The following TFB1M variants were observed in gnomAD, a reference collection of about 807,000 sequenced individuals.
TFB1M encodes dimethyladenosine transferase 1, mitochondrial.
In TFB1M, 27 loss-of-function variants were observed where a neutral mutation model predicts 31.1. That is an observed-to-expected ratio of 0.87 (90% CI 0.64 to 1.20). The LOEUF (loss-of-function observed/expected upper bound fraction) is 1.20, where lower values mean the gene tolerates loss of function less well. Among genes scored for constraint, TFB1M ranks in the 50% most tolerant of loss-of-function variants. The probability of loss-of-function intolerance (pLI) is 0.00; values close to 1 mark genes in which losing one functional copy is unlikely to be tolerated. For missense variants in TFB1M, 394 were observed against 418.7 expected (o/e 0.94, Z 0.51); for synonymous variants, 166 against 151.8 (o/e 1.09, Z -0.69).
the TFB1M span, among the ~76,000 whole-genome samples, chr6:155,234,396 G>C: frequency 1.2e-4 from 18 of 152,328 alleles, no homozygotes; most frequent in African/African-American, 4.3e-4. Flanking sequence ...AGCATCGTTA[G>C]TGGCTGGGAC....
Position 155,257,583 on chromosome 6 carries a change from TA to T in TFB1M, c.*252del. The T allele has an allele frequency of 2.5e-5, 1 of 40,250 alleles. No individual in the cohort carries two copies. The highest frequency in any genetic ancestry group is 3.6e-5 in the Non-Finnish European group (1 of 27,456). The allele number at this position is 40,250 out of a possible 1,614,324, so 2.5% of individuals were successfully genotyped here. A position where few individuals can be genotyped will look rare whatever the true frequency, so the allele number is the denominator to read the frequency against. On this transcript the variant is annotated 3_prime_UTR_variant, in exon 7 of 7. Transcript: ENST00000367166. ...GTGCAGATACTTCATTTTTGTAAGA[TA>T]GATTGTAATAGATGCTGTTTATACT...
At position 155,311,245 on chromosome 6, in the gene TFB1M, G is replaced by A. The variant is rs937011311; in HGVS notation, c.228C>T (p.Ala76=). The A allele has an allele frequency of 9.3e-6, 15 of 1,613,882 alleles. No individual in the cohort carries two copies. The highest frequency in any genetic ancestry group is 5.3e-5 in the African/African-American group (4 of 74,884). The change falls in exon 2 of 7, where the codon GCC becomes GCT. Residue 76 remains alanine (A), a synonymous_variant. Transcript: ENST00000367166. ...CAACCACCAGAAGTTCAGCGACGTC[G>A]GCATTAAGAATAGATCTTGTGATTC... ...PGGITRSILN[A]DVAELLVVEK...
the TFB1M span, among the ~76,000 whole-genome samples, chr6:155,242,467 T>C: frequency 5.9e-5 from 9 of 152,212 alleles, no homozygotes; most frequent in Non-Finnish European, 1.0e-4. Context: ...GCGTGGAATA[T>C]GGTGAGGGAA....
In TFB1M at chr6:155,281,838, T is replaced by G. The variant is rs1221452344; in HGVS notation, c.666+3320A>C. 2.7e-5 allele frequency among the ~76,000 whole-genome samples: 4 copies of G among 147,748 alleles called. No individual in the cohort carries two copies. In the East Asian group the frequency reaches 8.0e-4, roughly 29 times the overall value. On this transcript the variant is annotated intron_variant, in intron 5 of 6. Transcript: ENST00000367166. ...ATAATTCATAAAAAAAAAGACAGAA[T>G]TTTGAGGATCTAGCTAATAGCTCAG...
intron 5 of TFB1M, among the ~76,000 whole-genome samples, chr6:155,268,672 C>G (rs997363839): frequency 1.3e-5 from 2 of 152,068 alleles, no homozygotes; most frequent in Non-Finnish European, 2.9e-5. Flanking sequence ...CTCTCTGAAA[C>G]ATGTGCTGTG....
intron 5 of TFB1M, among the ~76,000 whole-genome samples, chr6:155,273,503 C>T (rs9397797): frequency 0.66 from 100,803 of 152,116 alleles, 34,118 homozygotes; most frequent in East Asian, 0.98. Context: ...ATCTCCTTGC[C>T]GAGTCATCTG....
intron 5 of TFB1M, chr6:155,275,707 T>G (rs1785158469): frequency 1.9e-6 from 3 of 1,605,614 alleles, no homozygotes; most frequent in South Asian, 1.1e-5. Flanking sequence ...AGGACAGACT[T>G]AACAGTAACA....
At chr6:155,266,592 A>G (rs1784642195) in intron 5 of TFB1M, among the ~76,000 whole-genome samples, 1 of 152,092 alleles carries the variant, frequency 6.6e-6, no homozygotes. Flanking sequence ...CACACCTGTA[A>G]TCCCAGCACT....
rs568477715 is a variant in TFB1M, at chr6:155,297,977, G to A, written c.394+500C>T. 1.2e-3 allele frequency among the ~76,000 whole-genome samples: 186 copies of A among 152,346 alleles called. 1 individual carries two copies. Among genetic ancestry groups the A allele is most frequent in the African/African-American group, 4.4e-3 (181 of 41,572 alleles). On this transcript the variant is annotated intron_variant, in intron 3 of 6. Transcript: ENST00000367166. Reference sequence around the variant, plus strand: ...AAGCCCTCCTCCGTTTGTTCTGAGAGTCTGTTATAGGAAGAAACATACCCT... The same window carrying A: ...AAGCCCTCCTCCGTTTGTTCTGAGAATCTGTTATAGGAAGAAACATACCCT...
the TFB1M span, chr6:155,250,601 A>C: frequency 1.3e-6 from 2 of 1,535,944 alleles, no homozygotes; most frequent in South Asian, 2.4e-5. Context: ...TACAAAAGGC[A>C]CTCTGGAAGA....
downstream of TFB1M, chr6:155,253,229 A>C (rs140928415): frequency 6.1e-5 from 33 of 537,332 alleles, no homozygotes; most frequent in Non-Finnish European, 9.8e-5. Context: ...GGGAGAAACT[A>C]AATGCTGGTG....
chr6:155,239,446 T>G, the TFB1M span, among the ~76,000 whole-genome samples: 1 of 151,108 alleles, frequency 6.6e-6, no homozygotes, highest in Non-Finnish European at 1.5e-5. Context: ...TGAAGTGGGG[T>G]GGAGATGTGA....
chr6:155,281,577 C>T (rs1051192180), intron 5 of TFB1M, among the ~76,000 whole-genome samples: 3 of 152,044 alleles, frequency 2.0e-5, no homozygotes, highest in East Asian at 1.9e-4. Flanking sequence ...CAAAACTTAG[C>T]GGGGCATGAT....
chr6:155,265,511 G>C (rs112451000), intron 5 of TFB1M, among the ~76,000 whole-genome samples: 5 of 138,828 alleles, frequency 3.6e-5, no homozygotes, highest in Admixed American at 2.9e-4. Context: ...GACAGAAGAA[G>C]AACATTATTT....
chr6:155,310,690 TA>T (rs1473989814), intron 2 of TFB1M, among the ~76,000 whole-genome samples: 1 of 152,196 alleles, frequency 6.6e-6, no homozygotes, highest in Admixed American at 6.5e-5. Flanking sequence ...TTCCTTCACT[TA>T]AAAAATTTAC....
At chr6:155,281,471 C>T (rs961157033) in intron 5 of TFB1M, among the ~76,000 whole-genome samples, 1 of 152,122 alleles carries the variant, frequency 6.6e-6, no homozygotes, top group Non-Finnish European at 1.5e-5. Context: ...CCTGTAATCC[C>T]AGCACTTTGG....
chr6:155,235,289 T>C, the TFB1M span, among the ~76,000 whole-genome samples: 1 of 152,212 alleles, frequency 6.6e-6, no homozygotes, highest in African/African-American at 2.4e-5. Flanking sequence ...GGAATAGGCA[T>C]TCCTGCTGCC....
At chr6:155,295,220 G>T (rs540419949) in intron 4 of TFB1M, among the ~76,000 whole-genome samples, 70 of 152,164 alleles carry the variant, frequency 4.6e-4, no homozygotes, top group Non-Finnish European at 7.5e-4. Context: ...CAAAAAATTA[G>T]CCGGGCGTGG....
chr6:155,247,861 C>G, the TFB1M span: 12 of 1,103,552 alleles, frequency 1.1e-5, no homozygotes, highest in African/African-American at 1.4e-4. Context: ...GCCTGACCCA[C>G]TGATGTGTTG....
Sources: allele counts gnomAD v4.1 joint callset (sites outside exome capture counted in the v4.1 genomes callset), GRCh38; gene constraint gnomAD v4.1.1; transcripts MANE v1.5; gene names NCBI Gene and HGNC (gene_info 2026-07-23, HGNC 2026-07-21).